Variants in LINGO2 observed in about 807,000 individuals in gnomAD.
LINGO2 encodes leucine-rich repeat and immunoglobulin-like domain-containing nogo receptor-interacting protein 2.
A neutral mutation model predicts 30.6 loss-of-function variants in LINGO2; 14 were observed. That is an observed-to-expected ratio of 0.46 (90% CI 0.30 to 0.72). LINGO2 has a LOEUF of 0.72. LINGO2 is among the 30% of genes least tolerant of loss of function. The probability of loss-of-function intolerance (pLI) is 0.07; values close to 1 mark genes in which losing one functional copy is unlikely to be tolerated. For synonymous variants in LINGO2, 317 were observed against 288.5 expected (o/e 1.10, Z -1.00); for missense variants, 729 against 751.7 (o/e 0.97, Z 0.35).
chr9:28,543,402 GAC>G (rs1248926727), intron 1 of LINGO2, among the ~76,000 whole-genome samples: 2 of 151,974 alleles, frequency 1.3e-5, no homozygotes, highest in Middle Eastern at 3.2e-3. Flanking sequence ...TAATTAGAAA[GAC>G]AGTTCTGGAT....
chr9:28,224,169 A>G (rs1004881734), intron 4 of LINGO2, among the ~76,000 whole-genome samples: 5 of 152,054 alleles, frequency 3.3e-5, no homozygotes, highest in African/African-American at 1.2e-4. Context: ...GGTTCACACC[A>G]TTCTCCTGCC....
the LINGO2 span, among the ~76,000 whole-genome samples, chr9:28,705,930 A>AT: frequency 0.12 from 17,763 of 151,168 alleles, 1,216 homozygotes; most frequent in African/African-American, 0.18. Flanking sequence ...AGAGTGGTTG[A>AT]TTTTTTTTTC....
At chr9:28,983,271 G>C in the LINGO2 span, among the ~76,000 whole-genome samples, 3 of 149,800 alleles carry the variant, frequency 2.0e-5, no homozygotes, top group Non-Finnish European at 3.0e-5. Flanking sequence ...ATACTACCTG[G>C]CCTTTTTCAT....
chr9:28,931,419 T>C, the LINGO2 span, among the ~76,000 whole-genome samples: 1 of 152,198 alleles, frequency 6.6e-6, no homozygotes, highest in South Asian at 2.1e-4. Context: ...TCTGGGCAGG[T>C]ACAATCCATT....
chr9:28,078,965 G>A (rs1383957299), intron 4 of LINGO2, among the ~76,000 whole-genome samples: 1 of 148,904 alleles, frequency 6.7e-6, no homozygotes, highest in Non-Finnish European at 1.5e-5. Flanking sequence ...TGGGTGCAAT[G>A]CCTTTACAGT....
At chr9:29,211,683 G>A in the LINGO2 span, among the ~76,000 whole-genome samples, 1 of 152,174 alleles carries the variant, frequency 6.6e-6, no homozygotes, top group Middle Eastern at 3.4e-3. Flanking sequence ...GCTGAATGGG[G>A]AGACTTCACC....
intron 5 of LINGO2, among the ~76,000 whole-genome samples, chr9:28,004,104 ATC>A (rs1233899973): frequency 1.3e-5 from 2 of 152,142 alleles, no homozygotes; most frequent in East Asian, 1.9e-4. Context: ...TTTGTACGAT[ATC>A]TGTCTTGGAA....
At chr9:28,204,071 C>G (rs1344222051) in intron 4 of LINGO2, among the ~76,000 whole-genome samples, 1 of 152,144 alleles carries the variant, frequency 6.6e-6, no homozygotes, top group Non-Finnish European at 1.5e-5. Flanking sequence ...GCTAGTGTTG[C>G]ATGGAATACT....
chr9:28,250,267 G>T (rs77698206), intron 4 of LINGO2, among the ~76,000 whole-genome samples: 14,955 of 152,180 alleles, frequency 0.098, 787 homozygotes, highest in Non-Finnish European at 0.1. Flanking sequence ...TAAAGTGGAT[G>T]TAGCTTTCCT....
the LINGO2 span, among the ~76,000 whole-genome samples, chr9:28,874,481 C>T: frequency 3.3e-5 from 5 of 151,878 alleles, no homozygotes; most frequent in Non-Finnish European, 7.4e-5. Context: ...TTGATTTGTA[C>T]TGTAATTATA....
chr9:28,247,758 T>TA (rs1377651279), intron 4 of LINGO2, among the ~76,000 whole-genome samples: 6 of 150,732 alleles, frequency 4.0e-5, no homozygotes, highest in East Asian at 1.9e-4. Flanking sequence ...ACTTAAAGTT[T>TA]AAAAAAAAAA....
intron 4 of LINGO2, among the ~76,000 whole-genome samples, chr9:28,189,726 TG>T (rs1433278049): frequency 8.3e-6 from 1 of 120,932 alleles, no homozygotes; most frequent in Non-Finnish European, 1.8e-5. Flanking sequence ...GAAGGAAGGT[TG>T]GTTCAAAAGA....
At chr9:28,622,237 G>GC (rs1269170135) in intron 1 of LINGO2, among the ~76,000 whole-genome samples, 11 of 151,776 alleles carry the variant, frequency 7.2e-5, no homozygotes, top group African/African-American at 2.7e-4. Flanking sequence ...TCAGATACTA[G>GC]GTCTTATTCA....
chr9:29,090,108 T>A, the LINGO2 span, among the ~76,000 whole-genome samples: 53 of 151,744 alleles, frequency 3.5e-4, no homozygotes, highest in Non-Finnish European at 6.3e-4. Flanking sequence ...ATATGGGAGG[T>A]CTTTGTTTAT....
the LINGO2 span, among the ~76,000 whole-genome samples, chr9:28,989,686 C>T: frequency 6.6e-6 from 1 of 152,050 alleles, no homozygotes; most frequent in Non-Finnish European, 1.5e-5. Context: ...TTTATTATTA[C>T]AAAGAATACA....
the LINGO2 span, among the ~76,000 whole-genome samples, chr9:28,907,712 G>T: frequency 6.6e-6 from 1 of 151,696 alleles, no homozygotes; most frequent in Non-Finnish European, 1.5e-5. Context: ...CAGACTTAAT[G>T]ACAAACTACT....
At chr9:28,252,475 T>G (rs948304406) in intron 4 of LINGO2, among the ~76,000 whole-genome samples, 3 of 152,058 alleles carry the variant, frequency 2.0e-5, no homozygotes, top group African/African-American at 7.2e-5. Flanking sequence ...TCTGCCCCCC[T>G]TGGCCTCCCA....
intron 2 of LINGO2, among the ~76,000 whole-genome samples, chr9:28,387,482 C>T (rs377609351): frequency 6.6e-6 from 1 of 152,198 alleles, no homozygotes; most frequent in African/African-American, 2.4e-5. Flanking sequence ...GCAGCAACCT[C>T]CTGGGGGCCC....
intron 2 of LINGO2, among the ~76,000 whole-genome samples, chr9:28,379,503 A>C (rs1352927897): frequency 1.3e-5 from 2 of 152,102 alleles, no homozygotes; most frequent in African/African-American, 4.8e-5. Flanking sequence ...TACTTGAGTT[A>C]CAAGTTAAAT....
Sources: allele counts gnomAD v4.1 joint callset (sites outside exome capture counted in the v4.1 genomes callset), GRCh38; gene constraint gnomAD v4.1.1; transcripts MANE v1.5; gene names NCBI Gene and HGNC (gene_info 2026-07-23, HGNC 2026-07-21).